Variants in GPC5 observed in about 807,000 individuals in gnomAD.
GPC5 encodes glypican 5, also known as glypican-5.
A neutral mutation model predicts 53.9 loss-of-function variants in GPC5; 47 were observed. The observed-to-expected ratio is 0.87, with a 90% CI of 0.69 to 1.11. The LOEUF (loss-of-function observed/expected upper bound fraction) is 1.11, where lower values mean the gene tolerates loss of function less well. GPC5 is among the 50% of genes most tolerant of loss of function. GPC5 has a pLI of 0.00. For missense variants in GPC5, 748 were observed against 713.1 expected, an observed-to-expected ratio of 1.05 and a Z score of -0.56; for synonymous variants, 286 against 263.3, an observed-to-expected ratio of 1.09 and a Z score of -0.84.
intron 5 of GPC5, among the ~76,000 whole-genome samples, chr13:91,793,528 G>A (rs1012614362): frequency 6.6e-6 from 1 of 152,142 alleles, no homozygotes; most frequent in African/African-American, 2.4e-5. Flanking sequence ...CACAGTGTGA[G>A]GGGTTCCAGA....
At chr13:92,544,297 C>G (rs1184290999) in intron 7 of GPC5, among the ~76,000 whole-genome samples, 1 of 152,052 alleles carries the variant, frequency 6.6e-6, no homozygotes, top group Non-Finnish European at 1.5e-5. Flanking sequence ...CATCCCAGAC[C>G]CATAGAGACT....
chr13:92,430,046 T>C (rs543262887), intron 7 of GPC5, among the ~76,000 whole-genome samples: 2 of 152,084 alleles, frequency 1.3e-5, no homozygotes, highest in African/African-American at 2.4e-5. Context: ...CATTTCACAA[T>C]GTATAACTAT....
At chr13:91,572,217 A>ATACACACATATGTATATATATGTGTATG (rs1566517664) in intron 2 of GPC5, among the ~76,000 whole-genome samples, 2 of 89,468 alleles carry the variant, frequency 2.2e-5, no homozygotes, top group East Asian at 2.7e-4. Context: ...ATACGTGTAT[A>ATACACACATATGTATATATATGTGTATG]TATATACACA....
chr13:92,568,803 G>C (rs1023423078), intron 7 of GPC5, among the ~76,000 whole-genome samples: 8 of 152,080 alleles, frequency 5.3e-5, no homozygotes, highest in African/African-American at 1.9e-4. Flanking sequence ...GCACAGAGAG[G>C]TTAAGTTACT....
Position 92,729,278 on chromosome 13 carries a change from C to T in GPC5, c.1562-137004C>T, listed in dbSNP as rs568350702. ...TTCCATCACACAAATTATCATCTTTCCTTTCATATCAACCCCTAGATCCAC... is the reference window on the plus strand; with the variant it reads ...TTCCATCACACAAATTATCATCTTTTCTTTCATATCAACCCCTAGATCCAC... On this transcript the variant is annotated intron_variant, in intron 7 of 7. Transcript: ENST00000377067. 8.6e-5 allele frequency among the ~76,000 whole-genome samples: 13 copies of T among 151,368 alleles called. No individual in the cohort carries two copies. The South Asian group carries it at 2.7e-3, about 31-fold the overall frequency.
intron 2 of GPC5, among the ~76,000 whole-genome samples, chr13:91,530,966 T>C (rs1416115614): frequency 6.6e-6 from 1 of 152,156 alleles, no homozygotes; most frequent in East Asian, 1.9e-4. Flanking sequence ...CTCTCAGAGA[T>C]TCTGGTTTGG....
chr13:92,608,401 T>C (rs1267244287), intron 7 of GPC5, among the ~76,000 whole-genome samples: 9 of 152,204 alleles, frequency 5.9e-5, no homozygotes, highest in African/African-American at 2.2e-4. Context: ...ATTGCTCTTG[T>C]CTAGGAGTAC....
intron 7 of GPC5, among the ~76,000 whole-genome samples, chr13:92,301,326 G>A (rs2043073833): frequency 6.6e-6 from 1 of 152,114 alleles, no homozygotes; most frequent in Non-Finnish European, 1.5e-5. Context: ...ATTGGAGAAA[G>A]AACTGTGCCA....
At chr13:92,517,058 C>T (rs1171729183) in intron 7 of GPC5, among the ~76,000 whole-genome samples, 1 of 152,180 alleles carries the variant, frequency 6.6e-6, no homozygotes, top group Non-Finnish European at 1.5e-5. Context: ...GAGGGTCCCA[C>T]ACCCACGGAG....
chr13:92,628,260 C>CTT (rs1286424637), intron 7 of GPC5, among the ~76,000 whole-genome samples: 68 of 37,548 alleles, frequency 1.8e-3, no homozygotes, highest in Non-Finnish European at 3.3e-3. Context: ...TTTTCTTTTT[C>CTT]TTTCTTTTTT....
intron 7 of GPC5, among the ~76,000 whole-genome samples, chr13:92,254,785 A>G (rs2042715772): frequency 6.6e-6 from 1 of 152,160 alleles, no homozygotes; most frequent in Non-Finnish European, 1.5e-5. Flanking sequence ...TAAAACCATC[A>G]GATCTATGAG....
intron 2 of GPC5, among the ~76,000 whole-genome samples, chr13:91,571,993 A>T (rs1401590942): frequency 6.9e-6 from 1 of 144,562 alleles, no homozygotes; most frequent in Non-Finnish European, 1.5e-5. Flanking sequence ...ATATATGTGT[A>T]TATGTGTATA....
At chr13:92,070,997 G>A (rs369657224) in intron 6 of GPC5, among the ~76,000 whole-genome samples, 23 of 152,244 alleles carry the variant, frequency 1.5e-4, no homozygotes, top group African/African-American at 5.5e-4. Context: ...CAGCACTTTG[G>A]GAGGCTGAGG....
At chr13:91,666,235 G>A (rs994384368) in intron 2 of GPC5, among the ~76,000 whole-genome samples, 1 of 152,158 alleles carries the variant, frequency 6.6e-6, no homozygotes, top group Non-Finnish European at 1.5e-5. Flanking sequence ...GATCTCTCAA[G>A]AGAATGAGTT....
chr13:92,049,900 A>G (rs1190540564), intron 6 of GPC5, among the ~76,000 whole-genome samples: 1 of 152,174 alleles, frequency 6.6e-6, no homozygotes, highest in African/African-American at 2.4e-5. Context: ...AAAATTTAAA[A>G]GAAAATTCAA....
chr13:91,498,681 A>G (rs1422136823), intron 2 of GPC5, among the ~76,000 whole-genome samples: 1 of 152,104 alleles, frequency 6.6e-6, no homozygotes, highest in Non-Finnish European at 1.5e-5. Flanking sequence ...AATGGTGGTC[A>G]GGGTAGCTGT....
intron 7 of GPC5, among the ~76,000 whole-genome samples, chr13:92,389,621 T>C (rs2139321819): frequency 6.6e-6 from 1 of 152,222 alleles, no homozygotes; most frequent in South Asian, 2.1e-4. Flanking sequence ...AGGGGGTGTT[T>C]CTACACATTC....
chr13:92,063,736 G>A (rs2041142649), intron 6 of GPC5, among the ~76,000 whole-genome samples: 1 of 152,094 alleles, frequency 6.6e-6, no homozygotes, highest in African/African-American at 2.4e-5. Context: ...AAGCTAAAAT[G>A]CTTAATGATA....
At chr13:92,086,897 G>T (rs896488942) in intron 6 of GPC5, among the ~76,000 whole-genome samples, 3 of 152,138 alleles carry the variant, frequency 2.0e-5, no homozygotes, top group African/African-American at 7.2e-5. Flanking sequence ...GACCTCAGGT[G>T]ATCTACCCAC....
Sources: gnomAD v4.1 joint callset for allele counts (sites outside exome capture counted in the v4.1 genomes callset) on GRCh38, gnomAD v4.1.1 for gene constraint, MANE v1.5 for transcripts, NCBI Gene and HGNC (gene_info 2026-07-23, HGNC 2026-07-21) for gene names.